Variants in SMARCC1 observed in about 807,000 individuals in gnomAD.
SMARCC1 encodes SWI/SNF complex subunit SMARCC1.
SMARCC1 carries 43 observed loss-of-function variants against 147.4 expected under a neutral mutation model. The ratio of observed to expected loss-of-function variants is 0.29; its 90% CI spans 0.23 to 0.38. The LOEUF is 0.38. SMARCC1 is among the 10% of genes least tolerant of loss of function. The probability of loss-of-function intolerance (pLI) is 1.00; values close to 1 mark genes in which losing one functional copy is unlikely to be tolerated. For synonymous variants in SMARCC1, 495 were observed against 484.4 expected, an observed-to-expected ratio of 1.02 and a Z score of -0.29; for missense variants, 1,119 against 1,381.1, an observed-to-expected ratio of 0.81 and a Z score of 3.01.
intron 2 of SMARCC1, 125 bp from the exon 3 acceptor site, chr3:47,746,118 T>C: frequency 1.8e-6 from 1 of 569,354 alleles, no homozygotes; most frequent in East Asian, 3.3e-5. Context: ...TCCTTAAACA[T>C]CTTCTTGAAT....
At chr3:47,686,982 CA>C (rs540274795) in intron 13 of SMARCC1, among the ~76,000 whole-genome samples, 2 of 149,954 alleles carry the variant, frequency 1.3e-5, no homozygotes, top group African/African-American at 2.4e-5. Flanking sequence ...GACCCTGCCT[CA>C]AAAAAAAATA....
At chr3:47,780,830 GA>G (rs374644379) in intron 1 of SMARCC1, among the ~76,000 whole-genome samples, 164 of 139,060 alleles carry the variant, frequency 1.2e-3, no homozygotes, top group African/African-American at 3.6e-3. Flanking sequence ...AGGGAAGTTG[GA>G]AAAAAAAAAA....
intron 14 of SMARCC1, 33 bp from the exon 15 acceptor site, chr3:47,680,541 GTTCTT>G: frequency 4.7e-6 from 2 of 425,120 alleles, no homozygotes; most frequent in East Asian, 5.8e-5. Context: ...ATTTAGGAGT[GTTCTT>G]TTTTTTTTTT....
chr3:47,692,887 G>A (rs1175974601), intron 12 of SMARCC1, among the ~76,000 whole-genome samples: 3 of 151,996 alleles, frequency 2.0e-5, no homozygotes, highest in Non-Finnish European at 4.4e-5. Context: ...GCGTGGTGGC[G>A]CAAGCCTGTA....
At chr3:47,626,944 G>A (rs997900495) in intron 24 of SMARCC1, among the ~76,000 whole-genome samples, 15 of 152,156 alleles carry the variant, frequency 9.9e-5, no homozygotes, top group African/African-American at 1.7e-4. Flanking sequence ...TAATGAAGCC[G>A]TCTCAGACCT....
rs765316683 is a variant in SMARCC1 at position 47,622,351 on chromosome 3, C to CA, written c.2647-11dup. ...CCACTGCAGCCAGGTGCTAAGGGTA[C>CA]AAGATCATTCAAGCTATTTAGGTAA... On this transcript the variant is annotated splice_polypyrimidine_tract_variant and intron_variant, in intron 24 of 27. Transcript: ENST00000254480. 4.3e-6 allele frequency: 7 copies of CA among 1,612,364 alleles called. No individual in the cohort carries two copies. The African/African-American group carries it at 9.3e-5, about 22-fold the overall frequency.
chr3:47,673,653 C>T (rs1316627335), intron 18 of SMARCC1, among the ~76,000 whole-genome samples: 1 of 152,198 alleles, frequency 6.6e-6, no homozygotes, highest in African/African-American at 2.4e-5. Context: ...CGCGCCACTT[C>T]ACTCCAGCCT....
intron 26 of SMARCC1, among the ~76,000 whole-genome samples, chr3:47,607,915 T>C (rs2032502364): frequency 1.3e-5 from 2 of 152,098 alleles, no homozygotes; most frequent in Non-Finnish European, 2.9e-5. Context: ...GTATCTATGA[T>C]AGACTGAAAC....
At chr3:47,632,410 T>A (rs2032904955) in intron 24 of SMARCC1, among the ~76,000 whole-genome samples, 1 of 152,136 alleles carries the variant, frequency 6.6e-6, no homozygotes. Context: ...AGTGCTGCAA[T>A]TACAGGTGTG....
chr3:47,679,173 C>T (rs1254601310), intron 15 of SMARCC1, among the ~76,000 whole-genome samples: 1 of 151,100 alleles, frequency 6.6e-6, no homozygotes, highest in Non-Finnish European at 1.5e-5. Context: ...CAAGATCACA[C>T]CACTGAACTC....
At chr3:47,594,793 CTG>C (rs1287542165) in intron 26 of SMARCC1, among the ~76,000 whole-genome samples, 1 of 152,168 alleles carries the variant, frequency 6.6e-6, no homozygotes, top group South Asian at 2.1e-4. Flanking sequence ...TGTGGCGGGA[CTG>C]TGAGGCCACA....
intron 26 of SMARCC1, among the ~76,000 whole-genome samples, chr3:47,599,929 T>A (rs1314098647): frequency 6.6e-6 from 1 of 152,218 alleles, no homozygotes; most frequent in African/African-American, 2.4e-5. Flanking sequence ...CTCTTGCTCT[T>A]AGGCCCAGTA....
rs1481604629 is a variant in SMARCC1, at chr3:47,607,504, A to C, written c.3043+2562T>G. Among the ~76,000 whole-genome samples, 4 of 152,172 alleles carry C rather than the reference A, an allele frequency of 2.6e-5. No homozygotes were observed. The East Asian group carries it at 5.8e-4, about 22-fold the overall frequency. ...TTACTGTGGATAAGCAAACTATAAAAATCTTACAAGATGACTTTCACTAGA... is the reference window on the plus strand; with the variant it reads ...TTACTGTGGATAAGCAAACTATAAACATCTTACAAGATGACTTTCACTAGA... On this transcript the variant is annotated intron_variant, in intron 26 of 27. Coordinates refer to ENST00000254480, the MANE Select transcript of SMARCC1 (RefSeq NM_003074.4).
intron 2 of SMARCC1, among the ~76,000 whole-genome samples, chr3:47,755,496 CAA>C (rs113105252): frequency 2.7e-4 from 18 of 66,340 alleles, no homozygotes; most frequent in East Asian, 4.2e-4. Context: ...GACTCTGTCT[CAA>C]AAAAAAAAAA....
intron 2 of SMARCC1, among the ~76,000 whole-genome samples, chr3:47,749,554 C>A (rs968037795): frequency 6.6e-6 from 1 of 151,596 alleles, no homozygotes; most frequent in Non-Finnish European, 1.5e-5. Flanking sequence ...GTGGTCCCAG[C>A]AACTCAGGAG....
intron 5 of SMARCC1, among the ~76,000 whole-genome samples, chr3:47,731,394 A>G (rs996886643): frequency 7.9e-5 from 12 of 152,172 alleles, no homozygotes; most frequent in Admixed American, 4.6e-4. Flanking sequence ...AAAGTCAACC[A>G]TGAGGGTCAC....
At chr3:47,683,705 C>A (rs1300190925) in intron 14 of SMARCC1, among the ~76,000 whole-genome samples, 4 of 151,822 alleles carry the variant, frequency 2.6e-5, no homozygotes, top group Non-Finnish European at 2.9e-5. Context: ...GCCTGGGCAA[C>A]AGACTGAGAC....
chr3:47,764,567 C>T (rs1287263179), intron 2 of SMARCC1, among the ~76,000 whole-genome samples: 4 of 152,114 alleles, frequency 2.6e-5, no homozygotes. Flanking sequence ...AGAGCCTTGC[C>T]CACCACCTGG....
chr3:47,632,307 A>G (rs1016418954), intron 24 of SMARCC1, among the ~76,000 whole-genome samples: 1 of 152,018 alleles, frequency 6.6e-6, no homozygotes, highest in Non-Finnish European at 1.5e-5. Flanking sequence ...TTAAAAAAAA[A>G]ATTTTTTTTT....
Sources: allele counts gnomAD v4.1 joint callset (sites outside exome capture counted in the v4.1 genomes callset), GRCh38; gene constraint gnomAD v4.1.1; transcripts MANE v1.5; gene names NCBI Gene and HGNC (gene_info 2026-07-23, HGNC 2026-07-21).